The following STARD13 variants were observed in gnomAD, a reference collection of about 807,000 sequenced individuals.
STARD13 encodes the protein stAR-related lipid transfer protein 13.
Under a neutral mutation model 106.4 loss-of-function variants are expected in STARD13, and 62 were observed. The ratio of observed to expected loss-of-function variants is 0.58; its 90% CI spans 0.48 to 0.72. The LOEUF is 0.72. Among genes scored for constraint, STARD13 ranks in the 30% least tolerant of loss-of-function variants. STARD13 has a pLI of 0.00. For synonymous variants in STARD13, 565 were observed against 553.0 expected (o/e 1.02, Z -0.31); for missense variants, 1,387 against 1,424.0 (o/e 0.97, Z 0.42).
chr13:33,241,918 G>A (rs908239210), intron 1 of STARD13, among the ~76,000 whole-genome samples: 1 of 152,152 alleles, frequency 6.6e-6, no homozygotes, highest in Non-Finnish European at 1.5e-5. Flanking sequence ...CGCCTGCCTT[G>A]GCCTCCCAAA....
the STARD13 span, among the ~76,000 whole-genome samples, chr13:33,509,594 C>T: frequency 6.6e-6 from 1 of 152,120 alleles, no homozygotes; most frequent in Non-Finnish European, 1.5e-5. Context: ...AGGGGTAGAG[C>T]ATAAAGGCTG....
the STARD13 span, among the ~76,000 whole-genome samples, chr13:33,556,901 A>G: frequency 6.6e-6 from 1 of 152,134 alleles, no homozygotes; most frequent in Non-Finnish European, 1.5e-5. Flanking sequence ...CCACAAGCAC[A>G]CACCATCATG....
the STARD13 span, among the ~76,000 whole-genome samples, chr13:33,462,407 G>A: frequency 6.6e-6 from 1 of 152,136 alleles, no homozygotes; most frequent in Non-Finnish European, 1.5e-5. Context: ...GTTAGTCAGG[G>A]TTCTCTAGAG....
chr13:33,543,113 G>A, the STARD13 span, among the ~76,000 whole-genome samples: 2 of 152,182 alleles, frequency 1.3e-5, no homozygotes, highest in African/African-American at 4.8e-5. Context: ...GCTTCCTTAT[G>A]CGTTGTTGCT....
In STARD13 at chr13:33,167,533, AG is replaced by A; in HGVS notation, c.241+17del. 6.2e-7 allele frequency: 1 copy of A among 1,613,668 alleles called. No homozygotes were observed. The highest frequency in any genetic ancestry group is 8.5e-7 in the Non-Finnish European group (1 of 1,179,550). ...GGATTTATTCTCTGTGTAAGAGCGA[AG>A]CGAAGGGCTGACGTACCCTCATATA... On this transcript the variant is annotated intron_variant, in intron 2 of 13. Transcript: ENST00000336934.
At chr13:33,146,500 T>A (rs1039480591) in intron 3 of STARD13, among the ~76,000 whole-genome samples, 45 of 152,274 alleles carry the variant, frequency 3.0e-4, no homozygotes, top group Middle Eastern at 3.4e-3. Context: ...AATAAAGTTT[T>A]ATGTCACGAT....
the STARD13 span, among the ~76,000 whole-genome samples, chr13:33,582,748 G>A: frequency 6.6e-6 from 1 of 152,162 alleles, no homozygotes; most frequent in African/African-American, 2.4e-5. Flanking sequence ...AATGTCCAGA[G>A]GACCCCAAGA....
chr13:33,370,619 C>CTTTTTTTTT, the STARD13 span, among the ~76,000 whole-genome samples: 19 of 131,604 alleles, frequency 1.4e-4, no homozygotes, highest in African/African-American at 2.7e-4. Context: ...TTCTTTCTTT[C>CTTTTTTTTT]TTTTTTTTTT....
At chr13:33,223,451 G>C (rs542677676) in intron 1 of STARD13, among the ~76,000 whole-genome samples, 12 of 152,246 alleles carry the variant, frequency 7.9e-5, no homozygotes, top group African/African-American at 2.9e-4. Flanking sequence ...CTGATGTCAG[G>C]AGTTCGAGAC....
the STARD13 span, among the ~76,000 whole-genome samples, chr13:33,531,329 GCT>G: frequency 1.3e-5 from 2 of 152,136 alleles, no homozygotes; most frequent in Non-Finnish European, 2.9e-5. Context: ...AAGGCAATCA[GCT>G]CTTTTTAAAA....
chr13:33,142,939 A>G (rs1454626611), intron 3 of STARD13, among the ~76,000 whole-genome samples: 1 of 152,210 alleles, frequency 6.6e-6, no homozygotes, highest in Non-Finnish European at 1.5e-5. Flanking sequence ...GAAGTGATTA[A>G]GGGTAAAGGG....
rs368785666 is a variant in STARD13, at chr13:33,297,472, T to G, written c.124+52818A>C. ...CTCAAGGGCTGTCCTTGGCCTTGGC[T>G]TGTTTATTAATATGGCTTGCTTTGG... On this transcript the variant is annotated intron_variant, in intron 1 of 5. Transcript: ENST00000567873. 6.1e-4 allele frequency among the ~76,000 whole-genome samples: 93 copies of G among 152,314 alleles called. 1 individual carries two copies. The South Asian group carries it at 0.018, about 30-fold the overall frequency.
the STARD13 span, among the ~76,000 whole-genome samples, chr13:33,644,883 T>C: frequency 2.0e-5 from 3 of 152,138 alleles, no homozygotes; most frequent in Non-Finnish European, 2.9e-5. Flanking sequence ...AATATAACAA[T>C]ATGCATGTGA....
the STARD13 span, among the ~76,000 whole-genome samples, chr13:33,657,934 G>A: frequency 3.9e-5 from 6 of 152,182 alleles, no homozygotes; most frequent in Non-Finnish European, 7.3e-5. Flanking sequence ...TAAAATACAT[G>A]ATTTTAACTA....
At chr13:33,473,863 G>T in the STARD13 span, among the ~76,000 whole-genome samples, 1 of 152,120 alleles carries the variant, frequency 6.6e-6, no homozygotes, top group South Asian at 2.1e-4. Context: ...AGCAGGATCT[G>T]CTCCTCTCGA....
At chr13:33,496,862 C>G in the STARD13 span, among the ~76,000 whole-genome samples, 2 of 151,994 alleles carry the variant, frequency 1.3e-5, no homozygotes, top group African/African-American at 4.8e-5. Flanking sequence ...TTTTGAAAAT[C>G]TTTATATAGT....
intron 7 of STARD13, among the ~76,000 whole-genome samples, chr13:33,124,403 T>C (rs553583836): frequency 4.6e-5 from 7 of 152,352 alleles, no homozygotes; most frequent in Non-Finnish European, 5.9e-5. Context: ...TCATTTTAAT[T>C]ACATTTAGAA....
the STARD13 span, among the ~76,000 whole-genome samples, chr13:33,538,971 G>A: frequency 5.3e-5 from 8 of 152,146 alleles, no homozygotes; most frequent in East Asian, 5.8e-4. Flanking sequence ...GGGTTTCACC[G>A]TGTTTGCCAG....
chr13:33,311,798 GAGA>G (rs1259478441), intron 1 of STARD13, among the ~76,000 whole-genome samples: 1 of 152,212 alleles, frequency 6.6e-6, no homozygotes, highest in African/African-American at 2.4e-5. Context: ...GCAGCCGTGA[GAGA>G]AGATGAGGCC....
Sources: allele counts gnomAD v4.1 joint callset (sites outside exome capture counted in the v4.1 genomes callset), GRCh38; gene constraint gnomAD v4.1.1; transcripts MANE v1.5; gene names NCBI Gene and HGNC (gene_info 2026-07-23, HGNC 2026-07-21).